EPS15: variants seen among roughly 807,000 people sequenced by gnomAD.
EPS15 encodes epidermal growth factor receptor pathway substrate 15.
Under a neutral mutation model 113.8 loss-of-function variants are expected in EPS15, and 72 were observed. The observed-to-expected ratio is 0.63, with a 90% CI of 0.52 to 0.77. The LOEUF (loss-of-function observed/expected upper bound fraction) is 0.77. EPS15 is among the 30% of genes least tolerant of loss of function. The pLI is 0.00. For missense variants in EPS15, 1,048 were observed against 1,045.8 expected, an observed-to-expected ratio of 1.00 and a Z score of -0.03; for synonymous variants, 344 against 363.4, an observed-to-expected ratio of 0.95 and a Z score of 0.61.
In EPS15 at chr1:51,519,180, G is replaced by A; in HGVS notation, c.33+19C>T. 6.9e-7 allele frequency: 1 copy of A among 1,440,838 alleles called. No individual in the cohort carries two copies. The highest frequency in any genetic ancestry group is 9.2e-7 in the Non-Finnish European group (1 of 1,088,288). The allele number at this position is 1,440,838 out of a possible 1,614,324, so 89.3% of individuals were successfully genotyped here. A position where few individuals can be genotyped will look rare whatever the true frequency, so the allele number is the denominator to read the frequency against. On this transcript the variant is annotated intron_variant, in intron 1 of 24. Transcript: ENST00000371733. ...GGGCACCGGCCGGCCAAGCCCGGCGGACGGGCGTGTGGCGTTACCTGTGTC... is the reference window on the plus strand; with the variant it reads ...GGGCACCGGCCGGCCAAGCCCGGCGAACGGGCGTGTGGCGTTACCTGTGTC...
In EPS15 at chr1:51,406,039, G is replaced by C. The variant is rs988742353; in HGVS notation, c.1543C>G (p.Pro515Ala). 2 of 1,614,000 alleles carry C rather than the reference G, an allele frequency of 1.2e-6. No homozygotes were observed. Among genetic ancestry groups the C allele is most frequent in the African/African-American group, 1.3e-5 (1 of 75,006 alleles). ...HNSQLNWCSS[P>A]HSILVNGATD... The stretch of plus-strand genomic sequence containing the variant: ...GCTCCGTTTACAAGAATGCTGTGTG[G>C]GCTACTGCACCAATTTAACTGACTA... The change falls in exon 16 of 25, where the codon CCA becomes GCA. Residue 515 changes from proline (P) to alanine (A), a missense_variant. Physicochemically the swap from Pro to Ala is conservative, Grantham distance 27. Coordinates refer to ENST00000371733, the MANE Select transcript of EPS15 (RefSeq NM_001981.3).
intron 20 of EPS15, among the ~76,000 whole-genome samples, chr1:51,396,622 T>C (rs933444715): frequency 1.3e-5 from 2 of 151,330 alleles, no homozygotes; most frequent in African/African-American, 4.8e-5. Flanking sequence ...CATAACCACA[T>C]GTGTGTCAGG....
At chr1:51,453,902 T>C (rs1192417130) in intron 8 of EPS15, among the ~76,000 whole-genome samples, 1 of 152,020 alleles carries the variant, frequency 6.6e-6, no homozygotes, top group Non-Finnish European at 1.5e-5. Flanking sequence ...ATACAAAAAT[T>C]AGCTGGGCGT....
chr1:51,508,330 GAGAA>G (rs1161602040), intron 1 of EPS15, among the ~76,000 whole-genome samples: 8 of 100,228 alleles, frequency 8.0e-5, no homozygotes, highest in African/African-American at 3.2e-4. Context: ...AAGAGAGAAA[GAGAA>G]AGAGAGAAAG....
intron 1 of EPS15, among the ~76,000 whole-genome samples, chr1:51,503,174 C>T (rs13375733): frequency 0.063 from 9,579 of 152,170 alleles, 962 homozygotes; most frequent in African/African-American, 0.21. Context: ...ATCCCACGTT[C>T]ATAGATCAGA....
intron 3 of EPS15, among the ~76,000 whole-genome samples, chr1:51,472,599 C>T (rs1049609027): frequency 6.6e-6 from 1 of 152,160 alleles, no homozygotes. Context: ...CACTGTTTCT[C>T]CCCACCAAAT....
chr1:51,518,706 C>G (rs1035611761), intron 1 of EPS15, among the ~76,000 whole-genome samples: 2 of 152,114 alleles, frequency 1.3e-5, no homozygotes, highest in African/African-American at 4.8e-5. Flanking sequence ...GGGGGGCCTG[C>G]GCGTCCGGCT....
intron 13 of EPS15, among the ~76,000 whole-genome samples, chr1:51,414,616 T>C (rs1047050966): frequency 1.3e-5 from 2 of 152,178 alleles, no homozygotes; most frequent in African/African-American, 4.8e-5. Flanking sequence ...CTATCCCCAT[T>C]AGTAAATACT....
intron 7 of EPS15, chr1:51,461,620 T>C (rs1654461749): frequency 1.3e-5 from 2 of 152,200 alleles, no homozygotes; most frequent in Non-Finnish European, 2.9e-5. Context: ...AGTTTGGGCT[T>C]TATTCTAAGT....
At chr1:51,446,100 C>A (rs1440379673) in intron 10 of EPS15, among the ~76,000 whole-genome samples, 1 of 152,164 alleles carries the variant, frequency 6.6e-6, no homozygotes, top group East Asian at 1.9e-4. Flanking sequence ...AACCATGTGG[C>A]CCCACTTGTG....
intron 12 of EPS15, among the ~76,000 whole-genome samples, chr1:51,436,569 T>A (rs1570302616): frequency 6.6e-6 from 1 of 152,184 alleles, no homozygotes; most frequent in East Asian, 1.9e-4. Context: ...GTTATAACAG[T>A]TGTAAATATA....
chr1:51,442,267 C>T (rs1416941599), intron 11 of EPS15, among the ~76,000 whole-genome samples: 1 of 152,118 alleles, frequency 6.6e-6, no homozygotes. Flanking sequence ...CTTGGTCTCA[C>T]TTTTATCAGC....
intron 20 of EPS15, 37 bp downstream of exon 20, chr1:51,398,995 T>A (rs374975492): frequency 6.3e-7 from 1 of 1,582,758 alleles, no homozygotes; most frequent in Non-Finnish European, 8.6e-7. Context: ...ACACTTATTA[T>A]CCATTTAACT....
intron 1 of EPS15, among the ~76,000 whole-genome samples, chr1:51,486,442 A>G (rs1644124436): frequency 6.6e-6 from 1 of 151,808 alleles, no homozygotes; most frequent in South Asian, 2.1e-4. Flanking sequence ...AAAAAAAAAA[A>G]AAAAATTAGA....
intron 21 of EPS15, among the ~76,000 whole-genome samples, chr1:51,385,485 G>A (rs528798019): frequency 1.3e-5 from 2 of 152,236 alleles, no homozygotes; most frequent in East Asian, 3.9e-4. Flanking sequence ...GGCTGCTGTG[G>A]AGAATAGTAT....
chr1:51,458,588 T>C (rs774068970), intron 8 of EPS15: 1 of 439,126 alleles, frequency 2.3e-6, no homozygotes, highest in Non-Finnish European at 4.6e-6. Context: ...AATATAAAAA[T>C]TAGCCGGGGG....
chr1:51,459,983 G>A (rs1654308746), intron 8 of EPS15, among the ~76,000 whole-genome samples: 1 of 151,846 alleles, frequency 6.6e-6, no homozygotes, highest in South Asian at 2.1e-4. Flanking sequence ...GGAATTAAAT[G>A]TTAAACATCA....
chr1:51,517,269 T>C (rs1430216030), intron 1 of EPS15, among the ~76,000 whole-genome samples: 1 of 152,214 alleles, frequency 6.6e-6, no homozygotes, highest in Non-Finnish European at 1.5e-5. Context: ...ATGTATATTA[T>C]CTCATATGTG....
At position 51,448,097 on chromosome 1, in the gene EPS15, A is replaced by C. The variant is rs1303247336; in HGVS notation, c.600T>G (p.Pro200=). ...AGGCTGGAGGCAAGGACATTGGCAC[A>C]GGTTCTTTCTCCAGTGCACAGTATA... ...FLVYCALEKE[P]VPMSLPPALV... The change falls in exon 9 of 25, where the codon CCT becomes CCG. Residue 200 remains proline, a synonymous_variant. Transcript: ENST00000371733. The C allele has an allele frequency of 6.2e-7, 1 of 1,613,808 alleles. No homozygotes were observed. Among genetic ancestry groups the C allele is most frequent in the Non-Finnish European group, 8.5e-7 (1 of 1,179,718 alleles).
Sources: allele counts gnomAD v4.1 joint callset (sites outside exome capture counted in the v4.1 genomes callset), GRCh38; gene constraint gnomAD v4.1.1; transcripts MANE v1.5; gene names NCBI Gene and HGNC (gene_info 2026-07-23, HGNC 2026-07-21).